Variants in TTC34 observed in about 807,000 individuals in gnomAD.
TTC34 encodes the protein tetratricopeptide repeat protein 34.
TTC34 carries 44 observed loss-of-function variants against 40.7 expected under a neutral mutation model. The observed-to-expected ratio is 1.08, with a 90% confidence interval of 0.85 to 1.39. The LOEUF (loss-of-function observed/expected upper bound fraction) is 1.39, where lower values mean the gene tolerates loss of function less well. Among genes scored for constraint, TTC34 ranks in the 40% most tolerant of loss-of-function variants. TTC34 has a pLI of 0.00. For missense variants in TTC34, 884 were observed against 838.0 expected (o/e 1.05, Z -0.68); for synonymous variants, 422 against 398.6 (o/e 1.06, Z -0.70).
chr1:2,677,720 A>T (rs1235839736), intron 6 of TTC34, among the ~76,000 whole-genome samples: 3 of 151,614 alleles, frequency 2.0e-5, no homozygotes, highest in Admixed American at 6.6e-5. Flanking sequence ...AGCCTGGAAC[A>T]GCACCCTGCA....
chr1:2,641,764 G>C (rs780050508), exon 9 of TTC34: 26 of 1,535,130 alleles, frequency 1.7e-5, no homozygotes, highest in East Asian at 2.4e-5. Context: ...CCTGCAACTC[G>C]GCCAGGCAGG....
At chr1:2,684,638 T>C (rs1450235701) in intron 6 of TTC34, among the ~76,000 whole-genome samples, 374 of 14,668 alleles carry the variant, frequency 0.025, no homozygotes, top group African/African-American at 0.043. Flanking sequence ...CATCCTCACC[T>C]CCAGGTGAGC....
intron 6 of TTC34, among the ~76,000 whole-genome samples, chr1:2,700,141 A>G (rs1641063901): frequency 9.8e-6 from 1 of 102,154 alleles, no homozygotes; most frequent in South Asian, 3.1e-4. Context: ...ACCCCAGGTG[A>G]GCATCGGACA....
At chr1:2,767,385 TGG>T (rs1641799584) in intron 6 of TTC34, among the ~76,000 whole-genome samples, 1 of 136,378 alleles carries the variant, frequency 7.3e-6, no homozygotes, top group Non-Finnish European at 1.6e-5. Context: ...TCCGACAGCC[TGG>T]AGCAGCACCC....
Position 2,691,150 on chromosome 1 carries a change from AG to A in TTC34, c.2227-45588del, listed in dbSNP as rs1640599446. Among the ~76,000 whole-genome samples the A allele has an allele frequency of 4.8e-5, 3 of 63,006 alleles. 1 individual carries two copies. The highest frequency in any genetic ancestry group is 3.2e-4 in the Admixed American group (2 of 6,242). The allele number at this position is 63,006 out of a possible 152,430, so 41.3% of individuals were successfully genotyped here. On this transcript the variant is annotated intron_variant, in intron 6 of 8. Coordinates refer to ENST00000401095, the Ensembl canonical transcript of TTC34. Reference sequence around the variant, plus strand: ...GGAACAGAACCCACACCGCCAGGGGAGTATCTGACAGACTGGAACAGCACCC... The same window carrying A: ...GGAACAGAACCCACACCGCCAGGGGATATCTGACAGACTGGAACAGCACCC...
chr1:2,684,490 TCTGATGGCCTGGAACGGCACC>T (rs1640228063), intron 6 of TTC34, among the ~76,000 whole-genome samples: 2 of 139,598 alleles, frequency 1.4e-5, no homozygotes, highest in Non-Finnish European at 3.0e-5. Flanking sequence ...CAGGCGAGCA[TCTGATGGCCTGGAACGGCACC>T]CACACCCCCA....
intron 4 of TTC34, among the ~76,000 whole-genome samples, chr1:2,787,139 A>G (rs1240805270): frequency 6.6e-6 from 1 of 152,168 alleles, no homozygotes; most frequent in East Asian, 1.9e-4. Context: ...TATGTGAGAG[A>G]CTTGGAGAGA....
chr1:2,683,394 C>G lies in TTC34; in HGVS notation c.2227-37831G>C, dbSNP rs1353971776. ...ATGGCTTGGAACAGCACCCACACGC[C>G]CAGGTGAGCATCCGATAGCCTGGAA... On this transcript the variant is annotated intron_variant, in intron 6 of 8. Transcript: ENST00000401095. Among the ~76,000 whole-genome samples the G allele has an allele frequency of 2.7e-5, 4 of 149,152 alleles. 1 individual carries two copies. Among genetic ancestry groups the G allele is most frequent in the African/African-American group, 1.0e-4 (4 of 39,872 alleles).
chr1:2,645,616 G>T lies in TTC34; in HGVS notation c.2227-53C>A. 1.4e-6 allele frequency: 2 copies of T among 1,430,048 alleles called. No individual in the cohort carries two copies. The highest frequency in any genetic ancestry group is 1.8e-6 in the Non-Finnish European group (2 of 1,092,188). 88.6% of individuals were successfully genotyped at this position (1,430,048 alleles called of 1,614,324 possible). On this transcript the variant is annotated intron_variant, in intron 6 of 8. Transcript: ENST00000401095. This position sits in a 1 kb window ranked among gnomAD's most constrained non-coding sequence, Gnocchi z 4.7. ...AGAGTTGTCCTAAGTAGAGAAACTG[G>T]GCAGAGGGTCAGAGTAGGAGGACTG...
At chr1:2,685,523 A>T (rs2100336152) in intron 6 of TTC34, among the ~76,000 whole-genome samples, 2 of 119,538 alleles carry the variant, frequency 1.7e-5, no homozygotes, top group South Asian at 2.8e-4. Flanking sequence ...CCACAGACCA[A>T]GGTGAGCATC....
At chr1:2,686,735 A>C (rs1640370802) in intron 6 of TTC34, among the ~76,000 whole-genome samples, 2 of 145,124 alleles carry the variant, frequency 1.4e-5, no homozygotes, top group African/African-American at 5.2e-5. Context: ...CCAGGCGAGC[A>C]TCTGACAGCC....
chr1:2,657,451 G>T (rs1336685855), intron 6 of TTC34, among the ~76,000 whole-genome samples: 2 of 88,998 alleles, frequency 2.2e-5, no homozygotes, highest in Admixed American at 1.0e-4. Flanking sequence ...TCATGGAGCA[G>T]CACCCACGCC....
intron 6 of TTC34, among the ~76,000 whole-genome samples, chr1:2,683,833 C>A (rs1298604446): frequency 6.3e-5 from 9 of 143,906 alleles, no homozygotes; most frequent in South Asian, 2.2e-4. Context: ...AGCACCCACA[C>A]CCCCAGGTGA....
chr1:2,684,528 C>T (rs1451010879), intron 6 of TTC34, among the ~76,000 whole-genome samples: 49 of 146,772 alleles, frequency 3.3e-4, no homozygotes, highest in Non-Finnish European at 1.5e-4. Context: ...CCCAGGTGAG[C>T]ATCCGACATC....
chr1:2,683,516 C>A (rs1268127339), intron 6 of TTC34, among the ~76,000 whole-genome samples: 4 of 145,006 alleles, frequency 2.8e-5, no homozygotes, highest in South Asian at 2.2e-4. Context: ...CCCACACCAC[C>A]AGGTGAGCAT....
intron 6 of TTC34, among the ~76,000 whole-genome samples, chr1:2,756,697 GCACCCACACC>G (rs1641518456): frequency 1.1e-4 from 1 of 9,124 alleles, no homozygotes; most frequent in Non-Finnish European, 2.1e-4. Flanking sequence ...TCCTGGAACA[GCACCCACACC>G]CCTAGGTGAG....
chr1:2,748,140 T>G (rs1356891681), intron 6 of TTC34, among the ~76,000 whole-genome samples: 1 of 56,516 alleles, frequency 1.8e-5, no homozygotes, highest in Non-Finnish European at 3.0e-5. Flanking sequence ...GCATCTGAAC[T>G]CATGGAGCAG....
chr1:2,779,536 G>T (rs1442539801), intron 6 of TTC34, among the ~76,000 whole-genome samples: 1 of 152,040 alleles, frequency 6.6e-6, no homozygotes, highest in Non-Finnish European at 1.5e-5. Flanking sequence ...TGTTAGCCAG[G>T]ATGGTCTTGA....
At chr1:2,684,431 CT>C (rs1229551021) in intron 6 of TTC34, among the ~76,000 whole-genome samples, 2 of 134,764 alleles carry the variant, frequency 1.5e-5, no homozygotes, top group African/African-American at 2.8e-5. Flanking sequence ...GAACACCACC[CT>C]GCACCCCCAG....
Sources: gnomAD v4.1 joint callset for allele counts (sites outside exome capture counted in the v4.1 genomes callset) on GRCh38, gnomAD v4.1.1 for gene constraint, Gnocchi (gnomAD v3.1) non-coding constraint, MANE v1.5 for transcripts, NCBI Gene and HGNC (gene_info 2026-07-23, HGNC 2026-07-21) for gene names.